TTC6: variants seen among roughly 807,000 people sequenced by gnomAD.
The protein encoded by TTC6 is tetratricopeptide repeat protein 6.
TTC6 carries 172 observed loss-of-function variants against 210.4 expected under a neutral mutation model. The ratio of observed to expected loss-of-function variants is 0.82; its 90% CI spans 0.72 to 0.93. TTC6 has a LOEUF of 0.93. TTC6 is among the 40% of genes least tolerant of loss of function. TTC6 has a pLI of 0.00. For missense variants in TTC6, 2,414 were observed against 2,318.1 expected (o/e 1.04, Z -0.85); for synonymous variants, 804 against 819.6 (o/e 0.98, Z 0.32).
At chr14:37,809,967 C>CA (rs1179537116) in intron 24 of TTC6, among the ~76,000 whole-genome samples, 1 of 152,202 alleles carries the variant, frequency 6.6e-6, no homozygotes, top group Non-Finnish European at 1.5e-5. Context: ...GGCTAGGTCA[C>CA]ATTCCCGCTG....
At chr14:37,788,182 T>C (rs1175556603) in intron 15 of TTC6, among the ~76,000 whole-genome samples, 1 of 152,060 alleles carries the variant, frequency 6.6e-6, no homozygotes, top group Non-Finnish European at 1.5e-5. Context: ...AAATGGCCAT[T>C]TCTGTGTTAC....
chr14:37,737,768 G>C, intron 9 of TTC6, 34 bp downstream of exon 11: 2 of 1,189,772 alleles, frequency 1.7e-6, no homozygotes, highest in Non-Finnish European at 2.3e-6. Context: ...CTCTCTAAAA[G>C]AAACATTTAT....
intron 1 of TTC6, among the ~76,000 whole-genome samples, chr14:37,658,393 A>G (rs1488361447): frequency 1.3e-5 from 2 of 152,182 alleles, no homozygotes; most frequent in East Asian, 1.9e-4. Flanking sequence ...AGGAGAGACC[A>G]TGAGGACATT....
chr14:37,600,966 T>C (rs2095614589), intron 1 of TTC6, among the ~76,000 whole-genome samples: 1 of 152,254 alleles, frequency 6.6e-6, no homozygotes, highest in South Asian at 2.1e-4. Flanking sequence ...AGTTTGCTTC[T>C]AAACAGAAAC....
rs566902938 is a variant in TTC6, at chr14:37,815,511, A to G, written c.4690-2067A>G. On this transcript the variant is annotated intron_variant, in intron 25 of 30. Coordinates refer to ENST00000553443, the Ensembl canonical transcript of TTC6. ...CTGCTGCTGATCTGACAGGAGGCAC[A>G]GCTCAGGCAGTAATGCTTACCTGTG... is the stretch of plus-strand genomic sequence containing the variant. Among the ~76,000 whole-genome samples the G allele has an allele frequency of 2.0e-5, 3 of 152,290 alleles. No homozygotes were observed. The South Asian group carries it at 6.2e-4, about 32-fold the overall frequency.
At chr14:37,630,907 G>GTTTTTTGTTTTT (rs2095668323) in intron 1 of TTC6, among the ~76,000 whole-genome samples, 1 of 33,064 alleles carries the variant, frequency 3.0e-5, no homozygotes, top group Admixed American at 4.2e-4. Flanking sequence ...GGCAACCCCT[G>GTTTTTTGTTTTT]TTTTTTTTTT....
Position 37,819,837 on chromosome 14 carries a change from C to T in TTC6, c.4763+2186C>T, listed in dbSNP as rs573440718. On this transcript the variant is annotated intron_variant, in intron 26 of 30. Coordinates refer to ENST00000553443, the Ensembl canonical transcript of TTC6. ...TGATTAATTTGGAAAATGCAGTGGG[C>T]CTTTGTGTCTGTGGCCTAGTGGACA... is the stretch of plus-strand genomic sequence containing the variant. 2.6e-5 allele frequency among the ~76,000 whole-genome samples: 4 copies of T among 152,242 alleles called. No homozygotes were observed. In the East Asian group the frequency reaches 5.8e-4, roughly 22 times the overall value.
At chr14:37,663,839 A>G (rs995859398) in intron 1 of TTC6, among the ~76,000 whole-genome samples, 18 of 152,290 alleles carry the variant, frequency 1.2e-4, no homozygotes, top group African/African-American at 4.3e-4. Context: ...AAAAGTTGCT[A>G]GCATTCTTGT....
chr14:37,773,677 A>C (rs928340093), intron 14 of TTC6, among the ~76,000 whole-genome samples: 1 of 152,184 alleles, frequency 6.6e-6, no homozygotes, highest in African/African-American at 2.4e-5. Flanking sequence ...GTATAGTTTC[A>C]AAATGGGTAA....
At chr14:37,771,459 G>A (rs1045756540) in intron 14 of TTC6, among the ~76,000 whole-genome samples, 1 of 152,196 alleles carries the variant, frequency 6.6e-6, no homozygotes, top group South Asian at 2.1e-4. Context: ...CGTAGATTTG[G>A]TCTTTTCACA....
intron 1 of TTC6, among the ~76,000 whole-genome samples, chr14:37,606,264 T>C (rs2095624953): frequency 6.6e-6 from 1 of 152,144 alleles, no homozygotes; most frequent in South Asian, 2.1e-4. Context: ...TGGGGGTTAT[T>C]CTCTGTTATA....
exon 27 of TTC6, chr14:37,823,814 G>A: frequency 6.2e-7 from 1 of 1,613,924 alleles, no homozygotes; most frequent in African/African-American, 1.3e-5. Context: ...ATGTTTTCTG[G>A]ATGCTTATGT....
intron 1 of TTC6, among the ~76,000 whole-genome samples, chr14:37,643,332 A>C (rs922324998): frequency 2.0e-5 from 3 of 152,088 alleles, no homozygotes; most frequent in Non-Finnish European, 4.4e-5. Flanking sequence ...AACACCCCAA[A>C]ACCAAAATAA....
rs1256828609 is a variant in TTC6 at position 37,683,424 on chromosome 14, T to C, written c.1257+460T>C. Among the ~76,000 whole-genome samples, 4 of 152,154 alleles carry C rather than the reference T, an allele frequency of 2.6e-5. No individual in the cohort carries two copies. The East Asian group carries it at 7.7e-4, about 29-fold the overall frequency. ...CATTGTTTACATAATTTTTATCATA[T>C]TTGCATATCACCCTGCCTTTACTGT... On this transcript the variant is annotated intron_variant, in intron 3 of 30. Transcript: ENST00000553443.
At chr14:37,833,018 A>G (rs1265868170) in intron 29 of TTC6, among the ~76,000 whole-genome samples, 1 of 146,582 alleles carries the variant, frequency 6.8e-6, no homozygotes, top group East Asian at 2.0e-4. Flanking sequence ...AGATTGTGTC[A>G]CTGCACTCTG....
rs1049230895 is a variant in TTC6 at position 37,701,316 on chromosome 14, C to A, written c.1377-16C>A. The A allele has an allele frequency of 4.4e-6, 6 of 1,370,538 alleles. No homozygotes were observed. Among genetic ancestry groups the A allele is most frequent in the Non-Finnish European group, 5.6e-6 (6 of 1,063,548 alleles). 84.9% of individuals were successfully genotyped at this position (1,370,538 alleles called of 1,614,324 possible). On this transcript the variant is annotated splice_polypyrimidine_tract_variant and intron_variant, in intron 4 of 30. Coordinates refer to ENST00000553443, the Ensembl canonical transcript of TTC6. Reference sequence around the variant, plus strand: ...CAAAATGATGAAAGGAGCTCACTTTCTTTTCTCTGTTGCAGAATTCCACAA... The same window carrying A: ...CAAAATGATGAAAGGAGCTCACTTTATTTTCTCTGTTGCAGAATTCCACAA...
intron 12 of TTC6, among the ~76,000 whole-genome samples, chr14:37,750,603 G>A (rs940991071): frequency 6.6e-6 from 1 of 152,058 alleles, no homozygotes; most frequent in Non-Finnish European, 1.5e-5. Flanking sequence ...TAAATGAAAT[G>A]GGCCCAGGCA....
chr14:37,646,358 C>CCAAAT (rs200433039), intron 1 of TTC6, among the ~76,000 whole-genome samples: 1 of 152,090 alleles, frequency 6.6e-6, no homozygotes, highest in African/African-American at 2.4e-5. Flanking sequence ...CCAAACCAAA[C>CCAAAT]ATCTCTCCCA....
intron 6 of TTC6, among the ~76,000 whole-genome samples, chr14:37,723,977 A>G (rs35926829): frequency 0.057 from 8,650 of 152,156 alleles, 376 homozygotes; most frequent in Non-Finnish European, 0.089. Context: ...GTATAATGTC[A>G]TGTAGCCACA....
Sources: allele counts gnomAD v4.1 joint callset (sites outside exome capture counted in the v4.1 genomes callset), GRCh38; gene constraint gnomAD v4.1.1; transcripts MANE v1.5; gene names NCBI Gene and HGNC (gene_info 2026-07-23, HGNC 2026-07-21).